Variants in ZMYND8 observed in about 807,000 individuals in gnomAD.
ZMYND8 encodes the protein zinc finger MYND-type containing 8, also known as MYND-type zinc finger-containing chromatin reader ZMYND8.
A neutral mutation model predicts 140.8 loss-of-function variants in ZMYND8; 37 were observed. That is an observed-to-expected ratio of 0.26 (90% CI 0.20 to 0.35). The LOEUF (loss-of-function observed/expected upper bound fraction) is 0.35, where lower values mean the gene tolerates loss of function less well. Ranked by LOEUF, ZMYND8 falls within the 10% of genes least tolerant of loss-of-function variation. The pLI is 1.00. For missense variants in ZMYND8, 1,068 were observed against 1,570.0 expected (o/e 0.68, Z 5.40); for synonymous variants, 592 against 597.1 (o/e 0.99, Z 0.12).
At chr20:47,218,798 G>C in intron 21 of ZMYND8, among the ~76,000 whole-genome samples, 1 of 152,140 alleles carries the variant, frequency 6.6e-6, no homozygotes, top group Non-Finnish European at 1.5e-5. Flanking sequence ...CCCTCTGACT[G>C]TGCCCCCAAA....
chr20:47,234,116 T>C (rs2038906372), intron 16 of ZMYND8, among the ~76,000 whole-genome samples: 1 of 152,222 alleles, frequency 6.6e-6, no homozygotes, highest in African/African-American at 2.4e-5. Flanking sequence ...TGGCAAGATC[T>C]CGGCTCACTG....
chr20:47,263,511 G>C (rs2147582787), intron 11 of ZMYND8, among the ~76,000 whole-genome samples: 1 of 152,306 alleles, frequency 6.6e-6, no homozygotes, highest in East Asian at 1.9e-4. Context: ...ATACCACTCG[G>C]CTGGTGAATC....
At chr20:47,286,803 C>A (rs1375743049) in intron 8 of ZMYND8, among the ~76,000 whole-genome samples, 1 of 152,218 alleles carries the variant, frequency 6.6e-6, no homozygotes, top group African/African-American at 2.4e-5. Context: ...AAAACAGGTT[C>A]TCCTGGACAC....
intron 2 of ZMYND8, among the ~76,000 whole-genome samples, chr20:47,341,068 T>C (rs893948490): frequency 2.0e-5 from 3 of 152,178 alleles, no homozygotes; most frequent in African/African-American, 7.2e-5. Flanking sequence ...GCCTTCTCAC[T>C]GTTGGAGGAG....
chr20:47,226,106 A>C lies in ZMYND8; in HGVS notation c.3016+1097T>G, dbSNP rs1357577651. Reference sequence around the variant, plus strand: ...GCAGAGGCTGCAGTCAGCTGAGATTACATCACTGTACTCCAACATGGGAAA... The same window carrying C: ...GCAGAGGCTGCAGTCAGCTGAGATTCCATCACTGTACTCCAACATGGGAAA... On this transcript the variant is annotated intron_variant, in intron 18 of 22. Transcript: ENST00000471951. 2.0e-5 allele frequency among the ~76,000 whole-genome samples: 3 copies of C among 151,662 alleles called. No homozygotes were observed. The East Asian group carries it at 5.8e-4, about 29-fold the overall frequency.
In ZMYND8 at chr20:47,229,714, G is replaced by C; in HGVS notation, c.2937+12C>G. ...CTCTTAGCAAATAAGAAATTCATGT[G>C]TCATCTCTGACCTCAGCTATTGTGC... On this transcript the variant is annotated intron_variant, in intron 17 of 22. Coordinates refer to ENST00000471951, the MANE Select transcript of ZMYND8 (RefSeq NM_001281775.3). The C allele has an allele frequency of 6.2e-7, 1 of 1,610,618 alleles. No homozygotes were observed. The highest frequency in any genetic ancestry group is 8.5e-7 in the Non-Finnish European group (1 of 1,177,540).
chr20:47,267,180 C>T (rs971660153), intron 11 of ZMYND8, among the ~76,000 whole-genome samples: 3 of 151,824 alleles, frequency 2.0e-5, no homozygotes, highest in African/African-American at 4.8e-5. Context: ...AACAAAATAC[C>T]CAGAATAGGA....
Position 47,236,417 on chromosome 20 carries a change from A to G in ZMYND8, c.2765T>C (p.Met922Thr), listed in dbSNP as rs769248260. 50 of 1,614,038 alleles carry G rather than the reference A, an allele frequency of 3.1e-5. No individual in the cohort carries two copies. The highest frequency in any genetic ancestry group is 4.0e-5 in the Non-Finnish European group (47 of 1,180,034). ...GTTGACTGAGGACACAAGGGTGCTCATGGACCCCGAGCTGGTGACCAGGGG... is the reference window on the plus strand; with the variant it reads ...GTTGACTGAGGACACAAGGGTGCTCGTGGACCCCGAGCTGGTGACCAGGGG... ...SSPLVTSSGS[M>T]STLVSSVNAD... Residue 922 changes from methionine (M) to threonine (T), a missense_variant, in exon 16 of 23, where the codon ATG (methionine) becomes ACG (threonine). By Grantham distance (81) the Met-to-Thr change is moderately conservative. Around this residue, in one of 10 missense-constraint regions of ZMYND8, gnomAD observed 383 missense variants for 431.2 expected, o/e 0.89. Transcript: ENST00000471951.
chr20:47,334,906 G>A (rs565819382), intron 2 of ZMYND8, among the ~76,000 whole-genome samples: 134 of 148,524 alleles, frequency 9.0e-4, no homozygotes, highest in Non-Finnish European at 1.5e-3. Context: ...CACCACACCC[G>A]GTCTCCGTGA....
At position 47,249,391 on chromosome 20, in the gene ZMYND8, T is replaced by C; in HGVS notation, c.1670A>G (p.Gln557Arg). 1.2e-6 allele frequency: 2 copies of C among 1,614,210 alleles called. No homozygotes were observed. The highest frequency in any genetic ancestry group is 1.7e-6 in the Non-Finnish European group (2 of 1,180,030). ...MDLKELSESV[Q>R]QQSTPVPLIS... ...GAGAGGAACAGGGGTGGACTGTTGCTGGACCGACTCGCTCAGCTCCTTCAA... is the reference window on the plus strand; with the variant it reads ...GAGAGGAACAGGGGTGGACTGTTGCCGGACCGACTCGCTCAGCTCCTTCAA... The change falls in exon 13 of 23, where the codon CAG becomes CGG. Residue 557 changes from glutamine (Q) to arginine (R), a missense_variant. Gln to Arg is a conservative substitution (Grantham distance 43, BLOSUM62 1). This residue lies in a region of ZMYND8 where 173 missense variants were observed against 223.3 expected (regional missense o/e 0.77). Transcript: ENST00000471951.
At chr20:47,311,838 C>G (rs899949863) in intron 2 of ZMYND8, among the ~76,000 whole-genome samples, 4 of 152,164 alleles carry the variant, frequency 2.6e-5, no homozygotes, top group African/African-American at 9.7e-5. Flanking sequence ...CCACTGCACT[C>G]AAGCCTGGGT....
intron 7 of ZMYND8, 131 bp downstream of exon 7, chr20:47,290,056 C>CA (rs1385824737): frequency 1.2e-6 from 1 of 818,300 alleles, no homozygotes; most frequent in African/African-American, 1.8e-5. Flanking sequence ...GCCTCCTATT[C>CA]ACATATATTA....
chr20:47,302,029 C>A (rs1227590745), intron 3 of ZMYND8, among the ~76,000 whole-genome samples: 7 of 152,188 alleles, frequency 4.6e-5, no homozygotes, highest in Non-Finnish European at 5.9e-5. Context: ...TTCCCCTCCC[C>A]ACCTTGATTG....
intron 5 of ZMYND8, among the ~76,000 whole-genome samples, chr20:47,293,149 AG>A (rs1278910060): frequency 0.014 from 854 of 61,590 alleles, 14 homozygotes; most frequent in African/African-American, 0.05. Context: ...GAAGGAAGGA[AG>A]GGAGGGAGGG....
At chr20:47,306,194 C>G (rs1337819439) in intron 3 of ZMYND8, among the ~76,000 whole-genome samples, 1 of 152,000 alleles carries the variant, frequency 6.6e-6, no homozygotes, top group Non-Finnish European at 1.5e-5. Flanking sequence ...TCGAGACCAA[C>G]CAGGGCAAGA....
chr20:47,261,437 G>T (rs776825284), intron 12 of ZMYND8, among the ~76,000 whole-genome samples: 1 of 151,868 alleles, frequency 6.6e-6, no homozygotes, highest in Non-Finnish European at 1.5e-5. Flanking sequence ...ACTCAGGGAG[G>T]GTGAGGCAGG....
intron 3 of ZMYND8, among the ~76,000 whole-genome samples, chr20:47,309,825 C>G (rs1464878218): frequency 1.3e-5 from 2 of 152,140 alleles, no homozygotes; most frequent in East Asian, 1.9e-4. Context: ...ATTATATACC[C>G]TCATCTCATC....
chr20:47,286,066 A>C (rs1374994979), intron 8 of ZMYND8, among the ~76,000 whole-genome samples: 2 of 152,104 alleles, frequency 1.3e-5, no homozygotes, highest in Non-Finnish European at 2.9e-5. Context: ...AGAAATAGCC[A>C]GGCTAATTAA....
intron 1 of ZMYND8, chr20:47,350,128 A>G (rs1410627648): frequency 1.9e-6 from 2 of 1,059,128 alleles, no homozygotes; most frequent in East Asian, 3.1e-5. Flanking sequence ...AGTGGGCACC[A>G]TAATCACCCA....
Sources: gnomAD v4.1 joint callset for allele counts (sites outside exome capture counted in the v4.1 genomes callset) on GRCh38, gnomAD v4.1.1 for gene constraint, gnomAD v4.1.1 regional missense constraint, MANE v1.5 for transcripts, NCBI Gene and HGNC (gene_info 2026-07-23, HGNC 2026-07-21) for gene names.